SCCPDH: variants seen among roughly 807,000 people sequenced by gnomAD.
The protein encoded by SCCPDH is saccharopine dehydrogenase (putative), also known as saccharopine dehydrogenase-like oxidoreductase.
In SCCPDH, 34 loss-of-function variants were observed where a neutral mutation model predicts 51.5. The observed-to-expected ratio is 0.66, with a 90% CI of 0.50 to 0.88. SCCPDH has a LOEUF of 0.88. Ranked by LOEUF, SCCPDH falls within the 40% of genes least tolerant of loss-of-function variation. The pLI is 0.00. For synonymous variants in SCCPDH, 187 were observed against 191.3 expected, an observed-to-expected ratio of 0.98 and a Z score of 0.19; for missense variants, 464 against 527.1, an observed-to-expected ratio of 0.88 and a Z score of 1.17.
intron 6 of SCCPDH, 26 bp downstream of exon 6, chr1:246,758,382 TA>T: frequency 6.4e-7 from 1 of 1,565,816 alleles, no homozygotes; most frequent in Non-Finnish European, 8.7e-7. Context: ...ATCCATTTTT[TA>T]TATATCTAGT....
At chr1:246,735,931 C>A in intron 2 of SCCPDH, 44 bp from the exon 3 acceptor site, 1 of 1,305,394 alleles carries the variant, frequency 7.7e-7, no homozygotes, top group Non-Finnish European at 1.1e-6. Flanking sequence ...TTCATTTAAA[C>A]TTGTCAAGCA....
chr1:246,763,754 G>A (rs1307484366), intron 9 of SCCPDH, among the ~76,000 whole-genome samples: 1 of 152,114 alleles, frequency 6.6e-6, no homozygotes, highest in Non-Finnish European at 1.5e-5. Flanking sequence ...ATAAAAATGT[G>A]TTGATCATGA....
intron 2 of SCCPDH, among the ~76,000 whole-genome samples, chr1:246,730,273 C>T (rs1668472105): frequency 1.3e-5 from 2 of 152,174 alleles, no homozygotes; most frequent in African/African-American, 4.8e-5. Context: ...TTGCAGCATT[C>T]GATCCAGCTG....
At chr1:246,760,149 G>T (rs765725421) in intron 8 of SCCPDH, 22 bp from the exon 9 acceptor site, 2 of 1,597,844 alleles carry the variant, frequency 1.3e-6, no homozygotes, top group Non-Finnish European at 1.7e-6. Context: ...AAATATCACT[G>T]ACGGTTTTTT....
Position 246,758,306 on chromosome 1 carries a change from T to G in SCCPDH, c.645T>G (p.Asn215Lys). The G allele has an allele frequency of 6.2e-7, 1 of 1,611,462 alleles. No homozygotes were observed. The highest frequency in any genetic ancestry group is 1.1e-5 in the South Asian group (1 of 90,570). ...GDQSNLRKLR[N>K]VSNLKPVPLI... ...AGAGTAATTTGAGAAAACTAAGAAA[T>G]GTATCAAATCTGAAACCTGTCCCGC... The change falls in exon 6 of 12, where the codon AAT becomes AAG. Residue 215 changes from asparagine (N) to lysine (K), a missense_variant. Coordinates refer to ENST00000366510, the MANE Select transcript of SCCPDH (RefSeq NM_016002.3).
intron 3 of SCCPDH, among the ~76,000 whole-genome samples, chr1:246,739,281 G>T (rs1418935964): frequency 6.6e-6 from 1 of 152,166 alleles, no homozygotes; most frequent in Non-Finnish European, 1.5e-5. Context: ...GATGTGATAT[G>T]ATATGATAAG....
At chr1:246,737,093 T>G (rs1668605103) in intron 3 of SCCPDH, among the ~76,000 whole-genome samples, 1 of 152,192 alleles carries the variant, frequency 6.6e-6, no homozygotes, top group African/African-American at 2.4e-5. Flanking sequence ...CTCATGTGTC[T>G]CTGTAGTAAC....
intron 4 of SCCPDH, among the ~76,000 whole-genome samples, chr1:246,741,045 C>CAT (rs1286050798): frequency 6.6e-6 from 1 of 152,094 alleles, no homozygotes; most frequent in African/African-American, 2.4e-5. Context: ...GATTGCACCA[C>CAT]TGCACTCTAG....
intron 2 of SCCPDH, among the ~76,000 whole-genome samples, chr1:246,730,353 C>A (rs906955558): frequency 2.6e-5 from 4 of 152,248 alleles, no homozygotes; most frequent in Non-Finnish European, 4.4e-5. Flanking sequence ...TGTCCACCAG[C>A]TTCACCCTGG....
At chr1:246,743,546 G>A (rs1444269693) in intron 4 of SCCPDH, among the ~76,000 whole-genome samples, 1 of 151,340 alleles carries the variant, frequency 6.6e-6, no homozygotes, top group African/African-American at 2.4e-5. Flanking sequence ...TCACGCCACT[G>A]CACTGCACTT....
chr1:246,734,110 G>A (rs137914539), intron 2 of SCCPDH, among the ~76,000 whole-genome samples: 1 of 152,310 alleles, frequency 6.6e-6, no homozygotes, highest in East Asian at 1.9e-4. Context: ...GATTCTGGGG[G>A]TCTGGAGTGG....
At position 246,735,986 on chromosome 1, in the gene SCCPDH, T is replaced by C. The variant is rs151248405; in HGVS notation, c.315T>C (p.Tyr105=). ...TTTTGTTTCCCTAGTATCGGTTTTA[T>C]GGAGAACCTGTAATAAAAGCATGTA... ...VLNCVGPYRF[Y]GEPVIKACIE... The change falls in exon 3 of 12, where the codon TAT becomes TAC. Residue 105 remains tyrosine (Y), a synonymous_variant. Coordinates refer to ENST00000366510, the MANE Select transcript of SCCPDH (RefSeq NM_016002.3). 2.5e-6 allele frequency: 4 copies of C among 1,610,924 alleles called. No individual in the cohort carries two copies. The highest frequency in any genetic ancestry group is 2.2e-5 in the South Asian group (2 of 90,894).
At chr1:246,735,663 C>G (rs1668554937) in intron 2 of SCCPDH, among the ~76,000 whole-genome samples, 1 of 152,202 alleles carries the variant, frequency 6.6e-6, no homozygotes, top group African/African-American at 2.4e-5. Context: ...TCCCGAGTAG[C>G]TGGGATTACA....
At chr1:246,749,657 C>T (rs1446341668) in intron 5 of SCCPDH, among the ~76,000 whole-genome samples, 2 of 152,136 alleles carry the variant, frequency 1.3e-5, no homozygotes, top group Non-Finnish European at 2.9e-5. Context: ...CTAGTTGGGG[C>T]CGTCCGTCCT....
chr1:246,741,621 C>CA (rs1668677611), intron 4 of SCCPDH, among the ~76,000 whole-genome samples: 1 of 151,800 alleles, frequency 6.6e-6, no homozygotes, highest in African/African-American at 2.4e-5. Flanking sequence ...TTTAGAAGAA[C>CA]AATATATTGA....
intron 2 of SCCPDH, among the ~76,000 whole-genome samples, chr1:246,729,362 T>C (rs1445050934): frequency 4.2e-5 from 6 of 141,962 alleles, no homozygotes; most frequent in African/African-American, 1.5e-4. Context: ...ATCCCTTATC[T>C]TCAACTGCAT....
chr1:246,725,452 T>A (rs1331609929), intron 1 of SCCPDH, among the ~76,000 whole-genome samples: 1 of 151,984 alleles, frequency 6.6e-6, no homozygotes, highest in African/African-American at 2.4e-5. Context: ...GACATCTGAC[T>A]TACGACTCCG....
chr1:246,742,329 G>A (rs1246082946), intron 4 of SCCPDH, among the ~76,000 whole-genome samples: 1 of 152,134 alleles, frequency 6.6e-6, no homozygotes, highest in Admixed American at 6.5e-5. Context: ...TTTTGAATAA[G>A]CCTTTTTTTC....
intron 11 of SCCPDH, among the ~76,000 whole-genome samples, 178 bp downstream of exon 11, chr1:246,766,317 T>C (rs560853059): frequency 3.9e-5 from 6 of 152,126 alleles, no homozygotes; most frequent in Non-Finnish European, 7.4e-5. Flanking sequence ...CAGCCCAGAG[T>C]TGGTCTCAGA....
Sources: gnomAD v4.1 joint callset for allele counts (sites outside exome capture counted in the v4.1 genomes callset) on GRCh38, gnomAD v4.1.1 for gene constraint, MANE v1.5 for transcripts, NCBI Gene and HGNC (gene_info 2026-07-23, HGNC 2026-07-21) for gene names.